Variants in CRPPA observed in about 807,000 individuals in gnomAD.
CRPPA encodes the protein D-ribitol-5-phosphate cytidylyltransferase.
CRPPA carries 43 observed loss-of-function variants against 52.0 expected under a neutral mutation model. The ratio of observed to expected loss-of-function variants is 0.83; its 90% confidence interval spans 0.65 to 1.07. CRPPA has a LOEUF of 1.07. Among genes scored for constraint, CRPPA ranks in the 50% least tolerant of loss-of-function variants. The pLI is 0.00. For missense variants in CRPPA, 629 were observed against 551.7 expected, an observed-to-expected ratio of 1.14 and a Z score of -1.40; for synonymous variants, 250 against 203.5, an observed-to-expected ratio of 1.23 and a Z score of -1.94.
chr7:16,352,292 C>G (rs368536911), intron 3 of CRPPA, among the ~76,000 whole-genome samples: 1 of 151,910 alleles, frequency 6.6e-6, no homozygotes, highest in Middle Eastern at 3.4e-3. Context: ...GGAGGGAGAA[C>G]ATTAGGACAA....
At chr7:16,241,483 T>C (rs1783107112) in intron 8 of CRPPA, among the ~76,000 whole-genome samples, 1 of 152,122 alleles carries the variant, frequency 6.6e-6, no homozygotes, top group African/African-American at 2.4e-5. Flanking sequence ...ACAGTAAAAC[T>C]TTTGCTATGG....
intron 1 of CRPPA, among the ~76,000 whole-genome samples, chr7:16,419,684 A>C (rs1788281056): frequency 6.6e-6 from 1 of 152,026 alleles, no homozygotes; most frequent in African/African-American, 2.4e-5. Context: ...AATCTGTCTC[A>C]ACCAGTTCTG....
At chr7:16,187,469 G>C (rs4721478) in intron 9 of CRPPA, among the ~76,000 whole-genome samples, 1 of 151,980 alleles carries the variant, frequency 6.6e-6, no homozygotes, top group Non-Finnish European at 1.5e-5. Context: ...AAGGAACTGG[G>C]ACATTTTTCG....
At chr7:16,171,184 T>A (rs974650673) in intron 9 of CRPPA, among the ~76,000 whole-genome samples, 3 of 152,244 alleles carry the variant, frequency 2.0e-5, no homozygotes, top group African/African-American at 7.2e-5. Flanking sequence ...ACATTATTTT[T>A]AAATCTCTTA....
intron 6 of CRPPA, among the ~76,000 whole-genome samples, chr7:16,270,952 T>A (rs1784076788): frequency 6.6e-6 from 1 of 151,876 alleles, no homozygotes; most frequent in Non-Finnish European, 1.5e-5. Flanking sequence ...TACTGAGGTC[T>A]ATAACAAAAG....
intron 9 of CRPPA, among the ~76,000 whole-genome samples, chr7:16,107,277 G>A (rs868345929): frequency 3.3e-5 from 5 of 152,046 alleles, no homozygotes; most frequent in Admixed American, 6.6e-5. Context: ...AAAGCATAGC[G>A]GTCTCTAATC....
intron 2 of CRPPA, among the ~76,000 whole-genome samples, chr7:16,394,640 A>T (rs1311415469): frequency 6.6e-6 from 1 of 152,198 alleles, no homozygotes; most frequent in Non-Finnish European, 1.5e-5. Flanking sequence ...CTTGATTACC[A>T]AAAACTAGCT....
At chr7:16,319,887 G>A (rs1184930818) in intron 3 of CRPPA, among the ~76,000 whole-genome samples, 1 of 152,142 alleles carries the variant, frequency 6.6e-6, no homozygotes, top group Non-Finnish European at 1.5e-5. Context: ...TGCTTAAACA[G>A]TTTTCAGCCA....
chr7:16,212,320 T>C (rs915430669), intron 9 of CRPPA, among the ~76,000 whole-genome samples: 1 of 152,146 alleles, frequency 6.6e-6, no homozygotes, highest in Non-Finnish European at 1.5e-5. Context: ...TCCCACTATA[T>C]TATAAGTAAG....
chr7:16,138,284 A>G (rs1372975791), intron 9 of CRPPA, among the ~76,000 whole-genome samples: 1 of 152,208 alleles, frequency 6.6e-6, no homozygotes, highest in East Asian at 1.9e-4. Context: ...ATTATCTACA[A>G]TGCCTCAAGA....
intron 5 of CRPPA, among the ~76,000 whole-genome samples, chr7:16,286,064 T>TAATATTAAAAAAAAAAA (rs1562608511): frequency 3.4e-5 from 1 of 29,770 alleles, no homozygotes; most frequent in African/African-American, 2.1e-4. Context: ...TATATATATA[T>TAATATTAAAAAAAAAAA]ATATATATAT....
At chr7:16,263,513 A>C (rs1463405339) in intron 6 of CRPPA, among the ~76,000 whole-genome samples, 1 of 152,192 alleles carries the variant, frequency 6.6e-6, no homozygotes, top group East Asian at 1.9e-4. Context: ...GCACTCTGGG[A>C]GGCCGAGGTG....
At chr7:16,250,474 G>A (rs1783416154) in intron 8 of CRPPA, among the ~76,000 whole-genome samples, 1 of 152,160 alleles carries the variant, frequency 6.6e-6, no homozygotes, top group South Asian at 2.1e-4. Context: ...TAGCTGGAGA[G>A]AAAGGTCAGG....
intron 2 of CRPPA, among the ~76,000 whole-genome samples, chr7:16,404,931 G>A (rs908049015): frequency 6.6e-6 from 1 of 152,090 alleles, no homozygotes; most frequent in Admixed American, 6.6e-5. Context: ...TTTGTTTAAA[G>A]GCAAATCAAA....
chr7:16,120,257 A>C (rs551741384), intron 9 of CRPPA, among the ~76,000 whole-genome samples: 1 of 152,248 alleles, frequency 6.6e-6, no homozygotes, highest in South Asian at 2.1e-4. Context: ...TGTTAAATTA[A>C]TTTAGCAAAA....
chr7:16,266,941 T>C (rs1194994232), intron 6 of CRPPA, among the ~76,000 whole-genome samples: 2 of 152,188 alleles, frequency 1.3e-5, no homozygotes, highest in Non-Finnish European at 2.9e-5. Flanking sequence ...TCATATATCA[T>C]GTTTGGCAGG....
chr7:16,381,522 C>G (rs1356018624), intron 2 of CRPPA, among the ~76,000 whole-genome samples: 1 of 152,002 alleles, frequency 6.6e-6, no homozygotes, highest in African/African-American at 2.4e-5. Flanking sequence ...TGGTGCAGAG[C>G]TGAGTTCAAT....
At chr7:16,364,143 C>T (rs1445640609) in intron 3 of CRPPA, among the ~76,000 whole-genome samples, 1 of 152,124 alleles carries the variant, frequency 6.6e-6, no homozygotes, top group East Asian at 1.9e-4. Flanking sequence ...AGCCTTTACA[C>T]TTACGTGCCT....
intron 3 of CRPPA, among the ~76,000 whole-genome samples, chr7:16,355,954 C>T (rs568319317): frequency 6.6e-6 from 1 of 152,120 alleles, no homozygotes; most frequent in South Asian, 2.1e-4. Context: ...TGTAAAAGAT[C>T]AGATGATTTG....
Sources: allele counts gnomAD v4.1 joint callset (sites outside exome capture counted in the v4.1 genomes callset), GRCh38; gene constraint gnomAD v4.1.1; transcripts MANE v1.5; gene names NCBI Gene and HGNC (gene_info 2026-07-23, HGNC 2026-07-21).